Variants in NR6A1 observed in about 807,000 individuals in gnomAD.
NR6A1 encodes the protein retinoic acid receptor-related testis-associated receptor.
A neutral mutation model predicts 59.1 loss-of-function variants in NR6A1; 7 were observed. That is an observed-to-expected ratio of 0.12 (90% CI 0.07 to 0.22). NR6A1 has a LOEUF of 0.22. Ranked by LOEUF, NR6A1 falls within the 10% of genes least tolerant of loss-of-function variation. NR6A1 has a pLI of 1.00. For synonymous variants in NR6A1, 243 were observed against 236.1 expected, an observed-to-expected ratio of 1.03 and a Z score of -0.27; for missense variants, 468 against 611.6, an observed-to-expected ratio of 0.77 and a Z score of 2.48.
Position 124,676,531 on chromosome 9 carries a change from G to C in NR6A1, c.142+56777C>G, listed in dbSNP as rs149373784. ...TCCAGATTTTGTTTTAAATGACAAA[G>C]CCATACTGCCAAGTTATTAAGAAAG... On this transcript the variant is annotated intron_variant, in intron 2 of 9. Coordinates refer to ENST00000487099, the MANE Select transcript of NR6A1 (RefSeq NM_033334.4). Among the ~76,000 whole-genome samples the C allele has an allele frequency of 2.6e-3, 395 of 152,164 alleles. 1 individual carries two copies. The highest frequency in any genetic ancestry group is 4.1e-3 in the Non-Finnish European group (277 of 68,000).
At chr9:124,702,225 T>C (rs1838981617) in intron 2 of NR6A1, among the ~76,000 whole-genome samples, 1 of 152,170 alleles carries the variant, frequency 6.6e-6, no homozygotes, top group South Asian at 2.1e-4. Flanking sequence ...CTTGATACAT[T>C]TGGTAGTTTT....
chr9:124,726,571 C>A (rs1839724792), intron 2 of NR6A1, among the ~76,000 whole-genome samples: 1 of 152,170 alleles, frequency 6.6e-6, no homozygotes, highest in East Asian at 1.9e-4. Context: ...GAGAGGTAGA[C>A]TTTTTGCTTG....
chr9:124,606,825 C>T (rs968539408), intron 2 of NR6A1, among the ~76,000 whole-genome samples: 1 of 152,234 alleles, frequency 6.6e-6, no homozygotes, highest in African/African-American at 2.4e-5. Context: ...GGGCACCTCC[C>T]TGTCAATAGG....
intron 1 of NR6A1, among the ~76,000 whole-genome samples, chr9:124,749,816 A>T (rs1316597843): frequency 2.0e-5 from 3 of 152,204 alleles, no homozygotes; most frequent in East Asian, 1.9e-4. Flanking sequence ...GATACCTATT[A>T]TAAGTTCCAC....
intron 2 of NR6A1, among the ~76,000 whole-genome samples, chr9:124,611,785 G>A (rs1029747816): frequency 8.6e-5 from 10 of 116,842 alleles, no homozygotes; most frequent in African/African-American, 1.6e-4. Flanking sequence ...GAGAGAGAAT[G>A]AGAGAGAATG....
At chr9:124,652,075 A>G (rs944173178) in intron 2 of NR6A1, among the ~76,000 whole-genome samples, 1 of 152,174 alleles carries the variant, frequency 6.6e-6, no homozygotes, top group African/African-American at 2.4e-5. Flanking sequence ...CCTGTTTTTT[A>G]TTGAAAAGCG....
intron 3 of NR6A1, 28 bp from the exon 4 acceptor site, chr9:124,543,885 C>T (rs1256289173): frequency 1.9e-6 from 3 of 1,599,598 alleles, no homozygotes; most frequent in Non-Finnish European, 1.7e-6. Context: ...TCAAGAAAGG[C>T]AGTCAGAAGC....
chr9:124,575,471 G>A (rs1324308066), intron 2 of NR6A1, among the ~76,000 whole-genome samples: 1 of 152,082 alleles, frequency 6.6e-6, no homozygotes, highest in African/African-American at 2.4e-5. Flanking sequence ...CTACTCAGGA[G>A]GCTGAGACAG....
At chr9:124,586,616 T>C (rs556831315) in intron 2 of NR6A1, among the ~76,000 whole-genome samples, 20 of 152,064 alleles carry the variant, frequency 1.3e-4, no homozygotes, top group African/African-American at 2.2e-4. Flanking sequence ...CAGCTAATTT[T>C]TTTTAAAATT....
At chr9:124,623,631 C>T (rs370194669) in intron 2 of NR6A1, among the ~76,000 whole-genome samples, 3 of 151,740 alleles carry the variant, frequency 2.0e-5, no homozygotes, top group Non-Finnish European at 4.4e-5. Flanking sequence ...GCTGGGATTA[C>T]AGGCATGGGC....
intron 2 of NR6A1, among the ~76,000 whole-genome samples, chr9:124,659,241 G>C (rs1364405568): frequency 2.0e-5 from 3 of 151,952 alleles, no homozygotes; most frequent in East Asian, 1.9e-4. Flanking sequence ...CCGTTCGATA[G>C]GCCAGCAGTG....
At chr9:124,593,884 T>C (rs535096955) in intron 2 of NR6A1, among the ~76,000 whole-genome samples, 13 of 152,234 alleles carry the variant, frequency 8.5e-5, no homozygotes, top group East Asian at 1.9e-4. Flanking sequence ...TTCTGAAAGA[T>C]AGCTTAAGAA....
chr9:124,535,605 A>T (rs1833237493), intron 7 of NR6A1, among the ~76,000 whole-genome samples: 1 of 152,232 alleles, frequency 6.6e-6, no homozygotes, highest in African/African-American at 2.4e-5. Flanking sequence ...AAAAAAAATT[A>T]CAGCTTAGCA....
chr9:124,658,958 A>C (rs1241819700), intron 2 of NR6A1, among the ~76,000 whole-genome samples: 1 of 152,212 alleles, frequency 6.6e-6, no homozygotes, highest in Non-Finnish European at 1.5e-5. Context: ...CAGTTATTAT[A>C]AGGAACACAA....
chr9:124,534,064 T>C (rs892061713), intron 7 of NR6A1, among the ~76,000 whole-genome samples: 3 of 150,028 alleles, frequency 2.0e-5, no homozygotes, highest in Non-Finnish European at 4.4e-5. Flanking sequence ...AAACTAAGCA[T>C]TATAAGACTT....
At chr9:124,624,107 T>C (rs1836164624) in intron 2 of NR6A1, among the ~76,000 whole-genome samples, 1 of 152,202 alleles carries the variant, frequency 6.6e-6, no homozygotes, top group Non-Finnish European at 1.5e-5. Context: ...GTCGGAGTAC[T>C]ACAAGCTCTT....
At chr9:124,580,823 AAATAAT>A (rs146466856) in intron 2 of NR6A1, among the ~76,000 whole-genome samples, 1 of 151,542 alleles carries the variant, frequency 6.6e-6, no homozygotes, top group Non-Finnish European at 1.5e-5. Context: ...CCAACTCAAA[AAATAAT>A]AATAATAATA....
intron 6 of NR6A1, among the ~76,000 whole-genome samples, chr9:124,537,150 CGCAACCTCAGCTCGCT>C (rs1357343593): frequency 2.0e-5 from 3 of 151,610 alleles, no homozygotes; most frequent in Non-Finnish European, 2.9e-5. Flanking sequence ...CTCGGCTCAC[CGCAACCTCAGCTCGCT>C]GCAACCTCCA....
At chr9:124,757,667 A>G (rs1588858977) in intron 1 of NR6A1, among the ~76,000 whole-genome samples, 1 of 152,232 alleles carries the variant, frequency 6.6e-6, no homozygotes, top group African/African-American at 2.4e-5. Flanking sequence ...AAGCACAGAC[A>G]GACCCTCAGA....
Sources: gnomAD v4.1 joint callset for allele counts (sites outside exome capture counted in the v4.1 genomes callset) on GRCh38, gnomAD v4.1.1 for gene constraint, MANE v1.5 for transcripts, NCBI Gene and HGNC (gene_info 2026-07-23, HGNC 2026-07-21) for gene names.